RBFOX1: variants seen among roughly 807,000 people sequenced by gnomAD.
The protein encoded by RBFOX1 is RNA binding protein fox-1 homolog 1.
RBFOX1 carries 8 observed loss-of-function variants against 57.7 expected under a neutral mutation model. That is an observed-to-expected ratio of 0.14 (90% confidence interval 0.08 to 0.25). The LOEUF is 0.25. Among genes scored for constraint, RBFOX1 ranks in the 10% least tolerant of loss-of-function variants. The pLI is 1.00. For missense variants in RBFOX1, 611 were observed against 548.5 expected (o/e 1.11, Z -1.14); for synonymous variants, 326 against 222.4 (o/e 1.47, Z -4.15).
chr16:6,350,324 C>T (rs775981054), intron 2 of RBFOX1, among the ~76,000 whole-genome samples: 1 of 151,584 alleles, frequency 6.6e-6, no homozygotes, highest in Admixed American at 6.6e-5. Flanking sequence ...GCCTGTAATA[C>T]TATCTACTCG....
At chr16:7,265,134 C>A (rs774203519) in intron 4 of RBFOX1, among the ~76,000 whole-genome samples, 2 of 152,200 alleles carry the variant, frequency 1.3e-5, no homozygotes, top group Non-Finnish European at 2.9e-5. Context: ...CTCTGTTCTG[C>A]GCACTAAGGG....
At chr16:7,573,496 A>G (rs1463328793) in intron 5 of RBFOX1, among the ~76,000 whole-genome samples, 1 of 152,122 alleles carries the variant, frequency 6.6e-6, no homozygotes, top group Admixed American at 6.6e-5. Context: ...TGATCTCCCA[A>G]ATATGGTAAT....
In RBFOX1 at chr16:6,229,862, T is replaced by C. The variant is rs1043855896; in HGVS notation, c.-126-87133T>C. Among the ~76,000 whole-genome samples the C allele has an allele frequency of 1.3e-5, 2 of 152,160 alleles. 1 individual carries two copies. The highest frequency in any genetic ancestry group is 4.1e-4 in the South Asian group (2 of 4,826). On this transcript the variant is annotated intron_variant, in intron 1 of 15. Coordinates refer to ENST00000550418, the MANE Select transcript of RBFOX1 (RefSeq NM_018723.4). ...TTAAGAGTTTGGACTTTTCTTTTGA[T>C]AGAATGTGGCATGTAGCATATCGCA...
chr16:7,452,796 A>C (rs1009829173), intron 4 of RBFOX1, among the ~76,000 whole-genome samples: 1 of 152,192 alleles, frequency 6.6e-6, no homozygotes, highest in Admixed American at 6.5e-5. Context: ...TGAAAGAAGA[A>C]ATAACTGAAT....
intron 2 of RBFOX1, among the ~76,000 whole-genome samples, chr16:6,536,576 T>C (rs1328201490): frequency 6.6e-6 from 1 of 151,612 alleles, no homozygotes; most frequent in South Asian, 2.1e-4. Flanking sequence ...TTCTTTCTAA[T>C]TTTCCTTCTG....
intron 3 of RBFOX1, among the ~76,000 whole-genome samples, chr16:5,753,976 G>A (rs556023828): frequency 6.6e-6 from 1 of 152,090 alleles, no homozygotes; most frequent in Non-Finnish European, 1.5e-5. Context: ...GCCTCTCCAC[G>A]TAGCCTTTCT....
intron 2 of RBFOX1, among the ~76,000 whole-genome samples, chr16:6,459,674 A>G (rs557353457): frequency 4.6e-5 from 7 of 152,148 alleles, no homozygotes; most frequent in African/African-American, 9.6e-5. Context: ...TTTAGAGTCA[A>G]TACTTAAAAA....
intron 3 of RBFOX1, among the ~76,000 whole-genome samples, chr16:6,920,685 C>A (rs112822718): frequency 6.6e-6 from 1 of 152,128 alleles, no homozygotes; most frequent in Non-Finnish European, 1.5e-5. Context: ...CTTTTGGTTC[C>A]AAGCAATCAT....
chr16:6,849,526 G>C (rs1339513144), intron 3 of RBFOX1, among the ~76,000 whole-genome samples: 3 of 152,168 alleles, frequency 2.0e-5, no homozygotes, highest in African/African-American at 7.2e-5. Flanking sequence ...AAAATTAGCT[G>C]GGTATGGTGG....
chr16:6,492,428 C>G (rs1302784286), intron 2 of RBFOX1, among the ~76,000 whole-genome samples: 2 of 152,022 alleles, frequency 1.3e-5, no homozygotes, highest in Non-Finnish European at 2.9e-5. Flanking sequence ...ATTTGCCAGG[C>G]TTGGTGGCAG....
chr16:5,804,088 G>A lies in RBFOX1; in HGVS notation c.319-63215G>A, dbSNP rs535470733. 2.6e-5 allele frequency among the ~76,000 whole-genome samples: 4 copies of A among 152,296 alleles called. No individual in the cohort carries two copies. The South Asian group carries it at 8.3e-4, about 32-fold the overall frequency. On this transcript the variant is annotated intron_variant, in intron 3 of 19. Transcript: ENST00000641259. ...GGATCAAATGATTACCCAAGTACAT[G>A]TCTGCCTCCCTCTCTAAGCTTTTCA...
At chr16:5,689,548 G>A (rs1338787934) in intron 3 of RBFOX1, among the ~76,000 whole-genome samples, 2 of 152,118 alleles carry the variant, frequency 1.3e-5, no homozygotes, top group South Asian at 2.1e-4. Flanking sequence ...GTCTTATGTG[G>A]CACACCAGGA....
chr16:7,492,051 C>T (rs755478663), intron 4 of RBFOX1, among the ~76,000 whole-genome samples: 1 of 152,060 alleles, frequency 6.6e-6, no homozygotes, highest in Admixed American at 6.6e-5. Context: ...GTGTTCCATG[C>T]TTGTATGTTG....
intron 5 of RBFOX1, among the ~76,000 whole-genome samples, chr16:7,540,979 T>C (rs552127597): frequency 5.5e-4 from 83 of 152,268 alleles, no homozygotes; most frequent in African/African-American, 1.9e-3. Context: ...GCATTGAAGG[T>C]TTAGCTCTCT....
chr16:7,636,849 G>C (rs76359486), intron 11 of RBFOX1, among the ~76,000 whole-genome samples: 2 of 119,860 alleles, frequency 1.7e-5, no homozygotes, highest in East Asian at 3.3e-4. Flanking sequence ...GAGAAACAGA[G>C]AGAGAGAGAG....
At chr16:7,533,096 C>T (rs7192212) in intron 5 of RBFOX1, among the ~76,000 whole-genome samples, 2 of 152,078 alleles carry the variant, frequency 1.3e-5, no homozygotes, top group East Asian at 3.9e-4. Context: ...GTCATAGTCG[C>T]CAGCACTGCC....
chr16:5,928,475 A>G (rs2058980270), intron 4 of RBFOX1, among the ~76,000 whole-genome samples: 1 of 152,200 alleles, frequency 6.6e-6, no homozygotes, highest in Non-Finnish European at 1.5e-5. Flanking sequence ...TCATCCCACA[A>G]TGTATGGATG....
intron 4 of RBFOX1, among the ~76,000 whole-genome samples, chr16:7,131,365 A>T (rs866827592): frequency 3.7e-3 from 366 of 98,476 alleles, no homozygotes; most frequent in East Asian, 0.011. Context: ...TTTTTTTTTT[A>T]AAAAAAAAAA....
chr16:5,725,774 G>T (rs1185685185), intron 3 of RBFOX1, among the ~76,000 whole-genome samples: 1 of 151,932 alleles, frequency 6.6e-6, no homozygotes, highest in Non-Finnish European at 1.5e-5. Flanking sequence ...CCCAAGAATG[G>T]CACTGCTAGC....
Sources: gnomAD v4.1 joint callset for allele counts (sites outside exome capture counted in the v4.1 genomes callset) on GRCh38, gnomAD v4.1.1 for gene constraint, MANE v1.5 for transcripts, NCBI Gene and HGNC (gene_info 2026-07-23, HGNC 2026-07-21) for gene names.